PPP1R14C: variants seen among roughly 807,000 people sequenced by gnomAD.
The protein encoded by PPP1R14C is protein phosphatase 1 regulatory inhibitor subunit 14C.
In PPP1R14C, 16 loss-of-function variants were observed where a neutral mutation model predicts 20.4. The observed-to-expected ratio is 0.78, with a 90% CI of 0.53 to 1.19. The LOEUF (loss-of-function observed/expected upper bound fraction) is 1.19. Among genes scored for constraint, PPP1R14C ranks in the 50% most tolerant of loss-of-function variants. The probability of loss-of-function intolerance (pLI) is 0.00; values close to 1 mark genes in which losing one functional copy is unlikely to be tolerated. For synonymous variants in PPP1R14C, 91 were observed against 91.0 expected, an observed-to-expected ratio of 1.00 and a Z score of 0.00; for missense variants, 211 against 220.1, an observed-to-expected ratio of 0.96 and a Z score of 0.26.
intron 1 of PPP1R14C, among the ~76,000 whole-genome samples, chr6:150,203,290 G>A (rs1007933523): frequency 2.6e-5 from 4 of 152,150 alleles, no homozygotes; most frequent in Non-Finnish European, 4.4e-5. Context: ...TTTCCAGAAC[G>A]TCCTGTAGTT....
chr6:150,158,255 T>G (rs1188108741), intron 1 of PPP1R14C, among the ~76,000 whole-genome samples: 2 of 152,228 alleles, frequency 1.3e-5, no homozygotes, highest in Non-Finnish European at 2.9e-5. Flanking sequence ...TAATCTAGTA[T>G]TCAAATTAAA....
chr6:150,181,934 C>T (rs1255470356), intron 1 of PPP1R14C, among the ~76,000 whole-genome samples: 2 of 152,206 alleles, frequency 1.3e-5, no homozygotes, highest in Non-Finnish European at 2.9e-5. Flanking sequence ...TTATCCCCTT[C>T]TTCTTCGTCC....
intron 1 of PPP1R14C, among the ~76,000 whole-genome samples, chr6:150,178,364 G>A (rs1002904942): frequency 6.6e-6 from 1 of 152,200 alleles, no homozygotes; most frequent in Admixed American, 6.5e-5. Context: ...GACAGTGGAC[G>A]CTGGCTCTGT....
intron 1 of PPP1R14C, among the ~76,000 whole-genome samples, chr6:150,175,481 A>C (rs1777551128): frequency 6.6e-6 from 1 of 152,164 alleles, no homozygotes; most frequent in Non-Finnish European, 1.5e-5. Flanking sequence ...TAATATTGTG[A>C]GTCCTTATAA....
At chr6:150,167,973 T>C (rs4870342) in intron 1 of PPP1R14C, among the ~76,000 whole-genome samples, 13,651 of 28,042 alleles carry the variant, frequency 0.49, 1,754 homozygotes, top group East Asian at 0.53. Context: ...CCTCTTTCTC[T>C]CCTTCTCTCC....
At chr6:150,154,234 G>T (rs543562273) in intron 1 of PPP1R14C, among the ~76,000 whole-genome samples, 1 of 152,222 alleles carries the variant, frequency 6.6e-6, no homozygotes, top group Non-Finnish European at 1.5e-5. Flanking sequence ...TTAAGTAAGA[G>T]AAAGTAATCT....
chr6:150,210,150 G>A (rs578191742), intron 1 of PPP1R14C, among the ~76,000 whole-genome samples: 58 of 152,254 alleles, frequency 3.8e-4, no homozygotes, highest in Non-Finnish European at 6.5e-4. Flanking sequence ...GTTCTGCAGC[G>A]CTTCCCAGTG....
At chr6:150,221,090 A>G (rs1778161635) in intron 3 of PPP1R14C, among the ~76,000 whole-genome samples, 1 of 152,234 alleles carries the variant, frequency 6.6e-6, no homozygotes, top group Non-Finnish European at 1.5e-5. Flanking sequence ...GTCATTTCAA[A>G]AAGGCTGGAC....
intron 1 of PPP1R14C, among the ~76,000 whole-genome samples, chr6:150,189,668 G>A (rs1037236521): frequency 5.3e-5 from 8 of 151,910 alleles, no homozygotes; most frequent in Admixed American, 2.6e-4. Context: ...GATATTGATT[G>A]CTTTTGCTTT....
At chr6:150,222,875 G>T (rs1778187133) in intron 3 of PPP1R14C, among the ~76,000 whole-genome samples, 1 of 137,894 alleles carries the variant, frequency 7.3e-6, no homozygotes, top group South Asian at 2.4e-4. Context: ...AGGTTCAAGT[G>T]ATTCTCCTAC....
chr6:150,172,937 A>G (rs545134378), intron 1 of PPP1R14C, among the ~76,000 whole-genome samples: 1 of 152,260 alleles, frequency 6.6e-6, no homozygotes, highest in South Asian at 2.1e-4. Context: ...TAAGCCACTC[A>G]GTCAACTCCC....
intron 1 of PPP1R14C, among the ~76,000 whole-genome samples, chr6:150,181,563 C>T (rs1777622180): frequency 6.6e-6 from 1 of 152,178 alleles, no homozygotes; most frequent in Admixed American, 6.5e-5. Flanking sequence ...CCAAGTAATC[C>T]ACTTCTCAAA....
chr6:150,246,651 G>A (rs1778496230), intron 3 of PPP1R14C, among the ~76,000 whole-genome samples: 1 of 152,172 alleles, frequency 6.6e-6, no homozygotes, highest in East Asian at 1.9e-4. Context: ...ATTCTTCTGG[G>A]ATAGCTCTCC....
At chr6:150,192,781 G>A (rs1207768798) in intron 1 of PPP1R14C, among the ~76,000 whole-genome samples, 6 of 152,294 alleles carry the variant, frequency 3.9e-5, no homozygotes, top group South Asian at 2.1e-4. Context: ...GGAATCATCC[G>A]AAGACTGGAC....
chr6:150,187,473 C>T (rs557786191), intron 1 of PPP1R14C, among the ~76,000 whole-genome samples: 1 of 152,176 alleles, frequency 6.6e-6, no homozygotes, highest in African/African-American at 2.4e-5. Context: ...CCTTAAGGCC[C>T]TAGTGTGTGT....
chr6:150,167,420 T>TA (rs1484333250), intron 1 of PPP1R14C, among the ~76,000 whole-genome samples: 1 of 152,022 alleles, frequency 6.6e-6, no homozygotes, highest in Non-Finnish European at 1.5e-5. Flanking sequence ...CCTAAAGAGA[T>TA]ACGATATTTT....
chr6:150,185,618 C>A lies in PPP1R14C; in HGVS notation c.307-29126C>A, dbSNP rs1158077862. Among the ~76,000 whole-genome samples, 1 of 152,086 alleles carries A rather than the reference C, an allele frequency of 6.6e-6. No individual in the cohort carries two copies. Among genetic ancestry groups the A allele is most frequent in the Non-Finnish European group, 1.5e-5 (1 of 68,018 alleles). Reference sequence around the variant, plus strand: ...CTACCTCTGCATAATAGCTCTGCGGCCTCCCTGTCTGTATTAGGAAGCTGA... The same window carrying A: ...CTACCTCTGCATAATAGCTCTGCGGACTCCCTGTCTGTATTAGGAAGCTGA... On this transcript the variant is annotated intron_variant, in intron 1 of 3. Transcript: ENST00000361131. The surrounding 1 kb of genome is among the most constrained non-coding windows in gnomAD (Gnocchi z 4.1).
At chr6:150,198,491 T>G (rs1777837262) in intron 1 of PPP1R14C, among the ~76,000 whole-genome samples, 2 of 152,274 alleles carry the variant, frequency 1.3e-5, no homozygotes, top group African/African-American at 4.8e-5. Context: ...TGCCAGAATG[T>G]CCCATTCCTT....
Position 150,143,155 on chromosome 6 carries a change from C to T in PPP1R14C, c.-38C>T, listed in dbSNP as rs550615489. ...GGCGCCGGGCGCGCTCCGCCCGCCCCTCCTCCGGGCCGCACTGAGGCTCGG... is the reference window on the plus strand; with the variant it reads ...GGCGCCGGGCGCGCTCCGCCCGCCCTTCCTCCGGGCCGCACTGAGGCTCGG... On this transcript the variant is annotated 5_prime_UTR_variant, in exon 1 of 4. Transcript: ENST00000361131. The surrounding 1 kb of genome is among the most constrained non-coding windows in gnomAD (Gnocchi z 5.6). 1,380 of 1,217,400 alleles carry T rather than the reference C, an allele frequency of 1.1e-3. 1 individual carries two copies. The highest frequency in any genetic ancestry group is 2.6e-3 in the Middle Eastern group (8 of 3,090). The allele number at this position is 1,217,400 out of a possible 1,614,324, so 75.4% of individuals were successfully genotyped here.
Sources: allele counts gnomAD v4.1 joint callset (sites outside exome capture counted in the v4.1 genomes callset), GRCh38; gene constraint gnomAD v4.1.1; non-coding constraint Gnocchi (gnomAD v3.1); transcripts MANE v1.5; gene names NCBI Gene and HGNC (gene_info 2026-07-23, HGNC 2026-07-21).